Variants in PROM1 observed in about 807,000 individuals in gnomAD.
PROM1 encodes prominin 1, also known as prominin-1.
Under a neutral mutation model 116.9 loss-of-function variants are expected in PROM1, and 105 were observed. The observed-to-expected ratio is 0.90, with a 90% confidence interval of 0.77 to 1.06. The LOEUF (loss-of-function observed/expected upper bound fraction) is 1.06. Among genes scored for constraint, PROM1 ranks in the 50% least tolerant of loss-of-function variants. The pLI is 0.00. For synonymous variants in PROM1, 393 were observed against 387.0 expected (o/e 1.02, Z -0.18); for missense variants, 1,122 against 1,045.2 (o/e 1.07, Z -1.01).
intron 19 of PROM1, among the ~76,000 whole-genome samples, chr4:15,988,898 T>C (rs1344855629): frequency 6.6e-6 from 1 of 152,060 alleles, no homozygotes; most frequent in East Asian, 1.9e-4. Context: ...AGTTTAGTGG[T>C]TGGGATGTTC....
intron 11 of PROM1, among the ~76,000 whole-genome samples, chr4:16,012,629 G>A (rs541331107): frequency 5.3e-5 from 8 of 152,142 alleles, no homozygotes; most frequent in African/African-American, 1.9e-4. Flanking sequence ...CCAGCACTTT[G>A]GGAGGCCGAG....
At chr4:15,994,304 AAT>A (rs1360260781) in intron 15 of PROM1, among the ~76,000 whole-genome samples, 1 of 152,242 alleles carries the variant, frequency 6.6e-6, no homozygotes, top group East Asian at 1.9e-4. Flanking sequence ...AGGATTGATG[AAT>A]ATATCTTTCC....
rs573144727 is a variant in PROM1, at chr4:16,063,570, T to A, written c.220+12117A>T. On this transcript the variant is annotated intron_variant, in intron 2 of 27. Coordinates refer to ENST00000447510, the MANE Select transcript of PROM1 (RefSeq NM_006017.3). ...CAGATCTCGCCAGTGTACCCCAGCC[T>A]GGGTGACAGAGTGAGACTCCATCTC... Among the ~76,000 whole-genome samples the A allele has an allele frequency of 1.2e-3, 186 of 152,310 alleles. 6 individuals carry two copies. The highest frequency in any genetic ancestry group is 1.3e-3 in the Non-Finnish European group (87 of 68,034).
At position 15,968,262 on chromosome 4, in the gene PROM1, G is replaced by C. The variant is rs1346173690; in HGVS notation, c.*1131C>G. ...AGTTCCTTTTTATTCAAATGAATCA[G>C]AACTGCAATCTGCACATGAAAAGAC... On this transcript the variant is annotated 3_prime_UTR_variant, in exon 28 of 28. Coordinates refer to ENST00000447510, the MANE Select transcript of PROM1 (RefSeq NM_006017.3). 1 of 152,148 alleles carries C rather than the reference G, an allele frequency of 6.6e-6. No homozygotes were observed. The highest frequency in any genetic ancestry group is 1.5e-5 in the Non-Finnish European group (1 of 68,022). The allele number at this position is 152,148 out of a possible 1,614,324, so 9.4% of individuals were successfully genotyped here.
chr4:16,032,002 T>C lies in PROM1; in HGVS notation c.509+1302A>G, dbSNP rs186478640. 5.3e-4 allele frequency among the ~76,000 whole-genome samples: 80 copies of C among 152,284 alleles called. 2 individuals carry two copies. Among genetic ancestry groups the C allele is most frequent in the African/African-American group, 1.8e-3 (76 of 41,548 alleles). ...AATCAAAAGAGACAAAAAGCCCAGC[T>C]ACAGCAAGAAATGAGTTTCCTTCCT... On this transcript the variant is annotated intron_variant, in intron 5 of 27. Coordinates refer to ENST00000447510, the MANE Select transcript of PROM1 (RefSeq NM_006017.3).
rs1320467361 is a variant in PROM1 at position 15,994,050 on chromosome 4, G to C, written c.1704C>G (p.Gly568=). 6.2e-7 allele frequency: 1 copy of C among 1,613,904 alleles called. No homozygotes were observed. The stretch of plus-strand genomic sequence containing the variant: ...TCTGCAGGTGAAGAGTGCCGTAAGT[G>C]CCTCTATTTTTTTTGCAGTCACTGT... ...QVYSDCKKNR[G]TYGTLHLQNS... Residue 568 remains glycine, a synonymous_variant, in exon 16 of 28, where the codon GGC becomes GGG. Transcript: ENST00000447510.
At position 15,979,888 on chromosome 4, in the gene PROM1, T is replaced by C. The variant is rs891384969; in HGVS notation, c.2506A>G (p.Met836Val). 1.4e-6 allele frequency: 2 copies of C among 1,453,354 alleles called. No individual in the cohort carries two copies. Among genetic ancestry groups the C allele is most frequent in the Non-Finnish European group, 1.9e-6 (2 of 1,065,482 alleles). The allele number at this position is 1,453,354 out of a possible 1,614,324, so 90.0% of individuals were successfully genotyped here. ...TTTTTTAAAAAGGCTTACTTTTTCA[T>C]GGGTATAGTTTCAACACTATAAAAT... ...DVYDDVETIP[M>V]KNMENGNNGY... Residue 836 changes from methionine to valine, a missense_variant, in exon 25 of 28, where the codon ATG becomes GTG. By Grantham distance (21) the Met-to-Val change is conservative. Coordinates refer to ENST00000447510, the MANE Select transcript of PROM1 (RefSeq NM_006017.3).
chr4:16,007,748 C>T (rs1189847274), intron 12 of PROM1, among the ~76,000 whole-genome samples: 2 of 152,148 alleles, frequency 1.3e-5, no homozygotes, highest in Non-Finnish European at 2.9e-5. Flanking sequence ...TATTCTTTCT[C>T]GTTTGTGAAG....
intron 1 of PROM1, among the ~76,000 whole-genome samples, chr4:16,077,212 T>C (rs1744153861): frequency 6.6e-6 from 1 of 152,198 alleles, no homozygotes. Flanking sequence ...CCCGATTGTA[T>C]GTTCCATCTA....
rs1296826479 is a variant in PROM1, at chr4:15,985,773, C to G, written c.2267G>C (p.Trp756Ser). The G allele has an allele frequency of 1.3e-6, 2 of 1,560,682 alleles. No homozygotes were observed. Among genetic ancestry groups the G allele is most frequent in the East Asian group, 2.3e-5 (1 of 44,052 alleles). Residue 756 changes from tryptophan to serine, a missense_variant, in exon 22 of 28, where the codon TGG (tryptophan) becomes TCG (serine). Physicochemically the swap from Trp to Ser is radical, Grantham distance 177 (BLOSUM62 -3). Coordinates refer to ENST00000447510, the MANE Select transcript of PROM1 (RefSeq NM_006017.3). ...IIGYFEHYLQWIEFSISEKVA... is the reference protein window; with the variant it reads ...IIGYFEHYLQSIEFSISEKVA... ...TAAACTACTTACAGAGAACTCGATCCACTGCAGATAATGTTCAAAATATCC... is the reference window on the plus strand; with the variant it reads ...TAAACTACTTACAGAGAACTCGATCGACTGCAGATAATGTTCAAAATATCC...
At chr4:16,017,275 G>A (rs1391442411) in intron 9 of PROM1, among the ~76,000 whole-genome samples, 2 of 152,140 alleles carry the variant, frequency 1.3e-5, no homozygotes, top group African/African-American at 4.8e-5. Context: ...TGTGGCCAAA[G>A]GGTGTGAACA....
chr4:16,009,570 G>T (rs568735317), intron 11 of PROM1, among the ~76,000 whole-genome samples: 1 of 152,112 alleles, frequency 6.6e-6, no homozygotes, highest in Non-Finnish European at 1.5e-5. Context: ...ATTGAAATTC[G>T]GGTGTATCTG....
intron 2 of PROM1, among the ~76,000 whole-genome samples, chr4:16,070,864 C>T (rs1040209): frequency 0.77 from 116,578 of 152,164 alleles, 44,742 homozygotes; most frequent in Non-Finnish European, 0.8. Context: ...AAGGGAACAG[C>T]AGCAAGGACA....
intron 2 of PROM1, among the ~76,000 whole-genome samples, chr4:16,068,786 T>C (rs1344183339): frequency 6.6e-6 from 1 of 152,124 alleles, no homozygotes; most frequent in East Asian, 1.9e-4. Context: ...CCTGATGGCC[T>C]CTCAAATTCC....
In PROM1 at chr4:15,976,067, G is replaced by A. The variant is rs529315903; in HGVS notation, c.2582+3328C>T. The A allele has an allele frequency of 4.3e-5, 18 of 419,624 alleles. 1 individual carries two copies. The highest frequency in any genetic ancestry group is 3.5e-4 in the East Asian group (5 of 14,126). 26.0% of individuals were successfully genotyped at this position (419,624 alleles called of 1,614,324 possible). On this transcript the variant is annotated intron_variant, in intron 26 of 27. Coordinates refer to ENST00000447510, the MANE Select transcript of PROM1 (RefSeq NM_006017.3). ...GCCCCAGGCTTCACAGGTGTATGAA[G>A]TGCTAGGCCCTTAACAAAGACAAGT...
At chr4:16,031,123 C>T (rs1349917497) in intron 5 of PROM1, among the ~76,000 whole-genome samples, 1 of 152,166 alleles carries the variant, frequency 6.6e-6, no homozygotes, top group Non-Finnish European at 1.5e-5. Flanking sequence ...TAAATAACTA[C>T]ATTCAATAAA....
chr4:16,030,848 C>T (rs1298728837), intron 5 of PROM1, among the ~76,000 whole-genome samples: 1 of 152,240 alleles, frequency 6.6e-6, no homozygotes, highest in Non-Finnish European at 1.5e-5. Flanking sequence ...GAGTTTGAGA[C>T]CAGCCTGGCC....
At chr4:16,046,802 A>T (rs1736657236) in intron 2 of PROM1, among the ~76,000 whole-genome samples, 1 of 152,162 alleles carries the variant, frequency 6.6e-6, no homozygotes, top group Non-Finnish European at 1.5e-5. Flanking sequence ...GGTACTTCAG[A>T]GACAGCACTC....
At chr4:16,056,598 G>A (rs548981098) in intron 2 of PROM1, among the ~76,000 whole-genome samples, 9 of 151,294 alleles carry the variant, frequency 5.9e-5, no homozygotes, top group African/African-American at 1.9e-4. Flanking sequence ...GGTGGAAGAC[G>A]ATCTGTCCCT....
Sources: gnomAD v4.1 joint callset for allele counts (sites outside exome capture counted in the v4.1 genomes callset) on GRCh38, gnomAD v4.1.1 for gene constraint, MANE v1.5 for transcripts, NCBI Gene and HGNC (gene_info 2026-07-23, HGNC 2026-07-21) for gene names.